Variants in ZBED6 observed in about 807,000 individuals in gnomAD.
ZBED6 encodes the protein zinc finger BED-type containing 6.
In ZBED6, 40 loss-of-function variants were observed where a neutral mutation model predicts 58.4. The ratio of observed to expected loss-of-function variants is 0.68; its 90% CI spans 0.53 to 0.89. The LOEUF (loss-of-function observed/expected upper bound fraction) is 0.89. Among genes scored for constraint, ZBED6 ranks in the 40% least tolerant of loss-of-function variants. The probability of loss-of-function intolerance (pLI) is 0.00; values close to 1 mark genes in which losing one functional copy is unlikely to be tolerated. For synonymous variants in ZBED6, 439 were observed against 350.6 expected (o/e 1.25, Z -2.82); for missense variants, 1,057 against 1,003.9 (o/e 1.05, Z -0.71).
chr1:203,824,510 A>G (rs925901503), intron 3 of ZBED6, among the ~76,000 whole-genome samples: 2 of 152,146 alleles, frequency 1.3e-5, no homozygotes, highest in African/African-American at 2.4e-5. Context: ...CCCCCAAATC[A>G]GTACTTGGCC....
chr1:203,797,708 GAAAA>G lies in ZBED6; in HGVS notation c.187_190del (p.Lys63GlufsTer16). The G allele has an allele frequency of 1.3e-6, 2 of 1,534,808 alleles. No homozygotes were observed. Among genetic ancestry groups the G allele is most frequent in the Non-Finnish European group, 1.7e-6 (2 of 1,146,658 alleles). On this transcript the variant is annotated frameshift_variant, in exon 1 of 17. Coordinates refer to ENST00000550078, the Ensembl canonical transcript of ZBED6. LOFTEE classifies it high-confidence loss of function. Reference sequence around the variant, plus strand: ...AAGAGGCAAAACAGCCTGCTAAAAAGAAAAGAAAGAAGGGTTTGCGAATTAAGGG... The same window carrying G: ...AAGAGGCAAAACAGCCTGCTAAAAAGGAAAGAAGGGTTTGCGAATTAAGGG...
chr1:203,838,143 TC>T, intron 10 of ZBED6, 79 bp downstream of exon 10: 1 of 1,357,322 alleles, frequency 7.4e-7, no homozygotes, highest in Non-Finnish European at 1.0e-6. Flanking sequence ...CTATGGTTTT[TC>T]ATTCTTTTGT....
Position 203,839,320 on chromosome 1 carries a change from G to A in ZBED6, c.*3673-986G>A, listed in dbSNP as rs576303336. 1.9e-3 allele frequency among the ~76,000 whole-genome samples: 286 copies of A among 152,324 alleles called. 4 individuals are homozygous for A. Among genetic ancestry groups the A allele is most frequent in the Non-Finnish European group, 1.5e-3 (103 of 68,030 alleles). ...GCCTCCCAAGTAGCTGGAAGTACAG[G>A]AATGCACTATTGCGCCCCTCAGGGA... On this transcript the variant is annotated intron_variant, in intron 10 of 16. Transcript: ENST00000550078.
exon 1 of ZBED6, chr1:203,799,477 T>C: frequency 1.4e-6 from 1 of 703,028 alleles, no homozygotes; most frequent in Admixed American, 2.0e-5. Flanking sequence ...ATTTCTACTT[T>C]TTATATGTTA....
intron 13 of ZBED6, among the ~76,000 whole-genome samples, chr1:203,849,069 G>C (rs2103431706): frequency 6.6e-6 from 1 of 152,320 alleles, no homozygotes; most frequent in Admixed American, 6.5e-5. Flanking sequence ...ATTTTTAGTA[G>C]AGACAGAGTT....
At chr1:203,817,823 GCTT>G (rs1418421451) in intron 2 of ZBED6, among the ~76,000 whole-genome samples, 1 of 151,776 alleles carries the variant, frequency 6.6e-6, no homozygotes, top group Non-Finnish European at 1.5e-5. Context: ...TATGGTCTTG[GCTT>G]ACTGTAACCT....
intron 1 of ZBED6, among the ~76,000 whole-genome samples, chr1:203,815,786 G>A (rs568682498): frequency 1.3e-5 from 2 of 152,260 alleles, no homozygotes; most frequent in African/African-American, 4.8e-5. Flanking sequence ...TTGATTTCAA[G>A]TTGTAGATCA....
chr1:203,849,147 C>T (rs976077785), intron 13 of ZBED6, among the ~76,000 whole-genome samples: 2 of 152,152 alleles, frequency 1.3e-5, no homozygotes, highest in Admixed American at 1.3e-4. Context: ...GGCCTCCCAA[C>T]GTGTTGGGAT....
intron 16 of ZBED6, among the ~76,000 whole-genome samples, chr1:203,851,479 G>A (rs1286998721): frequency 1.3e-5 from 2 of 152,124 alleles, no homozygotes; most frequent in Non-Finnish European, 2.9e-5. Flanking sequence ...ACAGGTGCCT[G>A]CCACAAGGCC....
exon 1 of ZBED6, chr1:203,801,168 A>G (rs1670450675): frequency 6.6e-6 from 1 of 152,224 alleles, no homozygotes; most frequent in South Asian, 2.1e-4. Flanking sequence ...ATGGGTAAAA[A>G]CAGACTAAAA....
chr1:203,809,072 C>T (rs1463155781), intron 1 of ZBED6, among the ~76,000 whole-genome samples: 1 of 152,054 alleles, frequency 6.6e-6, no homozygotes, highest in Non-Finnish European at 1.5e-5. Context: ...TCAGGTGATC[C>T]ACCTGTCTCG....
rs1313293644 is a variant in ZBED6 at position 203,837,992 on chromosome 1, C to T, written c.*3600C>T. On this transcript the variant is annotated 3_prime_UTR_variant, in exon 10 of 17. Coordinates refer to ENST00000550078, the Ensembl canonical transcript of ZBED6. ...CGGTGACAGTGATCCTCCATTAAAG[C>T]GTAGCCTGGCACAGAGGCTAGGGAA... 8 of 1,614,002 alleles carry T rather than the reference C, an allele frequency of 5.0e-6. No individual in the cohort carries two copies. Among genetic ancestry groups the T allele is most frequent in the Non-Finnish European group, 5.9e-6 (7 of 1,179,990 alleles).
chr1:203,847,554 C>G, exon 12 of ZBED6: 3 of 1,613,928 alleles, frequency 1.9e-6, no homozygotes, highest in Non-Finnish European at 2.5e-6. Context: ...AGGTGCACAT[C>G]AAGACGCTGG....
rs374322432 is a variant in ZBED6 at position 203,798,540 on chromosome 1, A to C, written c.1018A>C (p.Ser340Arg). 20 of 1,536,170 alleles carry C rather than the reference A, an allele frequency of 1.3e-5. No homozygotes were observed. Among genetic ancestry groups the C allele is most frequent in the South Asian group, 1.2e-4 (10 of 84,066 alleles). The change falls in exon 1 of 17, where the codon AGT becomes CGT. Residue 340 changes from serine (S) to arginine (R), a missense_variant. Transcript: ENST00000550078. The stretch of plus-strand genomic sequence containing the variant: ...ATTAGATGAAGCTGAGACTGAGAGA[A>C]GTGATCTCTTGAGTGATACCTTGCA...
At chr1:203,829,024 T>A (rs376375858) in intron 4 of ZBED6, among the ~76,000 whole-genome samples, 3 of 152,344 alleles carry the variant, frequency 2.0e-5, no homozygotes, top group South Asian at 2.1e-4. Context: ...TGATTAAAAT[T>A]TGATGGCTAC....
At chr1:203,849,768 A>T in exon 14 of ZBED6, 1 of 1,613,954 alleles carries the variant, frequency 6.2e-7, no homozygotes, top group East Asian at 2.2e-5. Context: ...GAGATGTGAG[A>T]CCATGAGAGA....
chr1:203,833,650 TC>T (rs1683239242), intron 8 of ZBED6, 140 bp from the exon 9 acceptor site: 1 of 420,974 alleles, frequency 2.4e-6, no homozygotes, highest in Non-Finnish European at 3.9e-6. Flanking sequence ...ATAATGGCCT[TC>T]CTTAAGACTG....
intron 1 of ZBED6, among the ~76,000 whole-genome samples, chr1:203,814,631 T>C (rs1433611262): frequency 6.6e-6 from 1 of 152,218 alleles, no homozygotes; most frequent in Non-Finnish European, 1.5e-5. Flanking sequence ...GTTCATATGC[T>C]TTAGCAGCAG....
exon 1 of ZBED6, chr1:203,796,011 C>A (rs1668323827): frequency 6.7e-6 from 1 of 150,006 alleles, no homozygotes; most frequent in African/African-American, 2.5e-5. Context: ...CTCCCGCTCA[C>A]TTTTCCCATC....
Sources: allele counts gnomAD v4.1 joint callset (sites outside exome capture counted in the v4.1 genomes callset), GRCh38; gene constraint gnomAD v4.1.1; transcripts MANE v1.5; gene names NCBI Gene and HGNC (gene_info 2026-07-23, HGNC 2026-07-21).